The following RRP12 variants were observed in gnomAD, a reference collection of about 807,000 sequenced individuals.
The protein encoded by RRP12 is RRP12-like protein.
RRP12 carries 78 observed loss-of-function variants against 157.3 expected under a neutral mutation model. The ratio of observed to expected loss-of-function variants is 0.50; its 90% confidence interval spans 0.41 to 0.60. RRP12 has a LOEUF of 0.60. Ranked by LOEUF, RRP12 falls within the 20% of genes least tolerant of loss-of-function variation. The pLI, the probability that RRP12 is intolerant of heterozygous loss-of-function variation, is 0.00. For missense variants in RRP12, 1,521 were observed against 1,679.9 expected, an observed-to-expected ratio of 0.91 and a Z score of 1.65; for synonymous variants, 726 against 670.9, an observed-to-expected ratio of 1.08 and a Z score of -1.27.
chr10:97,381,225 G>T (rs1431978899), intron 12 of RRP12, among the ~76,000 whole-genome samples, 161 bp downstream of exon 12: 1 of 152,234 alleles, frequency 6.6e-6, no homozygotes, highest in Non-Finnish European at 1.5e-5. Context: ...TCAAGTCCAC[G>T]GTAGCTGCTC....
chr10:97,367,510 T>G, intron 25 of RRP12: 2 of 236,616 alleles, frequency 8.5e-6, no homozygotes, highest in Non-Finnish European at 8.5e-6. Context: ...TAAATGGCCA[T>G]AGAGGTGGGA....
chr10:97,359,840 C>T (rs1843797431), intron 31 of RRP12, among the ~76,000 whole-genome samples: 1 of 152,230 alleles, frequency 6.6e-6, no homozygotes, highest in African/African-American at 2.4e-5. Context: ...CTGGCCCTGG[C>T]TCATGGGTGC....
intron 30 of RRP12, among the ~76,000 whole-genome samples, chr10:97,363,410 G>A (rs1234364138): frequency 6.6e-6 from 1 of 152,172 alleles, no homozygotes; most frequent in Non-Finnish European, 1.5e-5. Flanking sequence ...TTCCTGGTTT[G>A]CACAGACTGA....
At chr10:97,358,457 G>A in intron 33 of RRP12, 80 bp downstream of exon 33, 1 of 1,026,542 alleles carries the variant, frequency 9.7e-7, no homozygotes, top group Non-Finnish European at 1.5e-6. Context: ...GTTTAATAAG[G>A]CCTTCCCTTC....
chr10:97,393,820 G>C, intron 3 of RRP12, 60 bp from the exon 4 acceptor site: 6 of 1,371,902 alleles, frequency 4.4e-6, no homozygotes, highest in Non-Finnish European at 6.2e-6. Flanking sequence ...AAACAGGAAA[G>C]AGAGTGGGGG....
chr10:97,390,688 C>A, intron 5 of RRP12, 51 bp downstream of exon 5: 2 of 1,460,600 alleles, frequency 1.4e-6, no homozygotes, highest in South Asian at 2.3e-5. Context: ...ATCACCAAAT[C>A]AGACAGGCTC....
rs1001164212 is a variant in RRP12, at chr10:97,379,694, G to T, written c.1610C>A (p.Ala537Asp). Residue 537 changes from alanine to aspartate, a missense_variant, in exon 14 of 34, where the codon GCT (alanine) becomes GAT (aspartate). Ala to Asp is a moderately radical substitution (Grantham distance 126). Coordinates refer to ENST00000370992, the MANE Select transcript of RRP12 (RefSeq NM_015179.4). ...HTAALDQAVGAAVTSMGPEVV... is the reference protein window; with the variant it reads ...HTAALDQAVGDAVTSMGPEVV... ...CTCAGGTCCCATACTGGTCACCGCA[G>T]CCCCCACTGCCTGGTCAAGAGCCGC... is the stretch of plus-strand genomic sequence containing the variant. 1 of 1,614,058 alleles carries T rather than the reference G, an allele frequency of 6.2e-7. No homozygotes were observed. Among genetic ancestry groups the T allele is most frequent in the Non-Finnish European group, 8.5e-7 (1 of 1,179,994 alleles).
At position 97,366,211 on chromosome 10, in the gene RRP12, C is replaced by T; in HGVS notation, c.3414G>A (p.Arg1138=). 3 of 1,611,654 alleles carry T rather than the reference C, an allele frequency of 1.9e-6. No homozygotes were observed. The highest frequency in any genetic ancestry group is 2.5e-6 in the Non-Finnish European group (3 of 1,179,990). The change falls in exon 29 of 34, where the codon CGG becomes CGA. Residue 1138 remains arginine (R), a synonymous_variant. Transcript: ENST00000370992. ...RVLATQPGPG[R]GRKKDHGFKV... ...TGAAGCCGTGGTCCTTCTTCCTGCC[C>T]CGGCCTGGCCCTGGCTGCGTGGCTG... is the stretch of plus-strand genomic sequence containing the variant.
rs1436986320 is a variant in RRP12 at position 97,397,998 on chromosome 10, T to TATAC, written c.370-1698_370-1697insGTAT. ...AATTGGGTAAAAAAAAATACGTATATATATATACATATATATATATATATG... is the reference window on the plus strand; with the variant it reads ...AATTGGGTAAAAAAAAATACGTATATATACATATATACATATATATATATATATG... On this transcript the variant is annotated intron_variant, in intron 2 of 33. Coordinates refer to ENST00000370992, the MANE Select transcript of RRP12 (RefSeq NM_015179.4). Among the ~76,000 whole-genome samples the TATAC allele has an allele frequency of 2.2e-3, 181 of 83,164 alleles. 18 individuals are homozygous for TATAC. Among genetic ancestry groups the TATAC allele is most frequent in the Middle Eastern group, 6.0e-3 (1 of 168 alleles). 54.6% of individuals were successfully genotyped at this position (83,164 alleles called of 152,430 possible).
intron 33 of RRP12, 56 bp downstream of exon 33, chr10:97,358,481 G>T: frequency 1.5e-6 from 2 of 1,309,850 alleles, no homozygotes; most frequent in Non-Finnish European, 2.2e-6. Context: ...AGAGCACTCT[G>T]CTCCCTCATC....
chr10:97,401,019 G>C, intron 1 of RRP12, 74 bp downstream of exon 1: 1 of 1,554,726 alleles, frequency 6.4e-7, no homozygotes, highest in Non-Finnish European at 8.7e-7. Context: ...CTCTCCCAGA[G>C]GCCCCAGACT....
intron 30 of RRP12, among the ~76,000 whole-genome samples, chr10:97,362,324 G>A (rs1450071043): frequency 1.3e-5 from 2 of 152,180 alleles, no homozygotes; most frequent in Non-Finnish European, 2.9e-5. Flanking sequence ...GTAGGCTGCC[G>A]AGGATCTGCA....
chr10:97,398,336 G>T (rs1417524869), intron 2 of RRP12, among the ~76,000 whole-genome samples: 1 of 82,124 alleles, frequency 1.2e-5, no homozygotes, highest in East Asian at 3.1e-4. Context: ...TTACAGGCGT[G>T]AGCCACCGCG....
At chr10:97,397,992 C>CATATATATACATAT (rs1564772333) in intron 2 of RRP12, among the ~76,000 whole-genome samples, 4 of 42,786 alleles carry the variant, frequency 9.3e-5, no homozygotes, top group South Asian at 7.7e-4. Context: ...AAAAAAAATA[C>CATATATATACATAT]GTATATATAT....
intron 15 of RRP12, 93 bp downstream of exon 15, chr10:97,379,200 T>C: frequency 1.4e-6 from 2 of 1,420,072 alleles, no homozygotes; most frequent in Non-Finnish European, 2.0e-6. Flanking sequence ...GAAGGCTGGG[T>C]GTGTGGGACT....
chr10:97,388,689 G>A, intron 6 of RRP12, 65 bp from the exon 7 acceptor site: 1 of 1,582,654 alleles, frequency 6.3e-7, no homozygotes, highest in Non-Finnish European at 8.6e-7. Context: ...TGGGTGTCCG[G>A]CACAAGCACC....
In RRP12 at chr10:97,388,537, C is replaced by T. The variant is rs1351478053; in HGVS notation, c.841G>A (p.Ala281Thr). 19 of 1,614,186 alleles carry T rather than the reference C, an allele frequency of 1.2e-5. No homozygotes were observed. The highest frequency in any genetic ancestry group is 1.4e-5 in the Non-Finnish European group (17 of 1,180,040). ...ATGCAGAACTTGGCAGTGGAAATGG[C>T]AGCAGGATGATGGGCAGGGGCCTTT... ...FEKAPAHHPA[A>T]ISTAKFCIQE... The change falls in exon 7 of 34, where the codon GCC (alanine) becomes ACC (threonine). Residue 281 changes from alanine to threonine, a missense_variant. Ala to Thr is a moderately conservative substitution (Grantham distance 58). Coordinates refer to ENST00000370992, the MANE Select transcript of RRP12 (RefSeq NM_015179.4).
chr10:97,400,364 T>C lies in RRP12; in HGVS notation c.310A>G (p.Asn104Asp), dbSNP rs1564774035. The C allele has an allele frequency of 1.2e-6, 2 of 1,613,750 alleles. No individual in the cohort carries two copies. Among genetic ancestry groups the C allele is most frequent in the Admixed American group, 1.7e-5 (1 of 59,970 alleles). Reference sequence around the variant, plus strand: ...CGCTGTACTTTGCTGAAGGTGACGTTTGTGCAGTCGGAAAGGCCACTCAGG... The same window carrying C: ...CGCTGTACTTTGCTGAAGGTGACGTCTGTGCAGTCGGAAAGGCCACTCAGG... ...TFLSGLSDCT[N>D]VTFSKVQRFW... is the part of the protein sequence containing the mutation. The change falls in exon 2 of 34, where the codon AAC becomes GAC. Residue 104 changes from asparagine (N) to aspartate (D), a missense_variant. Asn to Asp is a conservative substitution (Grantham distance 23). Coordinates refer to ENST00000370992, the MANE Select transcript of RRP12 (RefSeq NM_015179.4).
intron 10 of RRP12, among the ~76,000 whole-genome samples, chr10:97,383,733 G>A (rs1844533264): frequency 6.6e-6 from 1 of 152,236 alleles, no homozygotes; most frequent in African/African-American, 2.4e-5. Context: ...GGAACCTGGA[G>A]AACGGAGCCG....
Sources: allele counts gnomAD v4.1 joint callset (sites outside exome capture counted in the v4.1 genomes callset), GRCh38; gene constraint gnomAD v4.1.1; transcripts MANE v1.5; gene names NCBI Gene and HGNC (gene_info 2026-07-23, HGNC 2026-07-21).